PCDHGA7: variants seen among roughly 807,000 people sequenced by gnomAD.
The protein encoded by PCDHGA7 is protocadherin gamma subfamily A, 7.
PCDHGA7 carries 44 observed loss-of-function variants against 58.3 expected under a neutral mutation model. That is an observed-to-expected ratio of 0.75 (90% confidence interval 0.59 to 0.97). The LOEUF is 0.97. Ranked by LOEUF, PCDHGA7 falls within the 50% of genes least tolerant of loss-of-function variation. The pLI is 0.00. For synonymous variants in PCDHGA7, 516 were observed against 504.2 expected (o/e 1.02, Z -0.31); for missense variants, 1,266 against 1,188.7 (o/e 1.06, Z -0.96).
intron 1 of PCDHGA7, among the ~76,000 whole-genome samples, chr5:141,448,001 G>A (rs143950707): frequency 0.046 from 7,030 of 151,928 alleles, 245 homozygotes; most frequent in African/African-American, 0.093. Context: ...CATGAGAATC[G>A]CTTGAACCCA....
chr5:141,402,816 C>T, intron 1 of PCDHGA7: 1 of 1,261,762 alleles, frequency 7.9e-7, no homozygotes, highest in South Asian at 1.7e-5. Flanking sequence ...ATACCACAAA[C>T]CTGCTCCCAG....
At chr5:141,427,259 G>A (rs1365845158) in intron 1 of PCDHGA7, 1 of 456,756 alleles carries the variant, frequency 2.2e-6, no homozygotes, top group Non-Finnish European at 4.4e-6. Flanking sequence ...GTGGAGGCAT[G>A]ACCAGCGAAT....
At chr5:141,508,906 G>A (rs2099872897) in intron 3 of PCDHGA7, among the ~76,000 whole-genome samples, 1 of 152,092 alleles carries the variant, frequency 6.6e-6, no homozygotes, top group Non-Finnish European at 1.5e-5. Context: ...CGGGGCGGTG[G>A]CGGATCTGGC....
In PCDHGA7 at chr5:141,489,129, T is replaced by G; in HGVS notation, c.2425-5678T>G. On this transcript the variant is annotated intron_variant, in intron 1 of 3. Coordinates refer to ENST00000518325, the MANE Select transcript of PCDHGA7 (RefSeq NM_018920.4). This position sits in a 1 kb window ranked among gnomAD's most constrained non-coding sequence, Gnocchi z 4.5. ...AAGCAGGCAAACCTCCGAGCAGTTT[T>G]TAAGAGGCTGGAAGGAGACATAAGA... 1 of 761,976 alleles carries G rather than the reference T, an allele frequency of 1.3e-6. No homozygotes were observed. The highest frequency in any genetic ancestry group is 2.0e-6 in the Non-Finnish European group (1 of 490,014). The allele number at this position is 761,976 out of a possible 1,614,324, so 47.2% of individuals were successfully genotyped here.
In PCDHGA7 at chr5:141,422,509, C is replaced by G. The variant is rs1249006816; in HGVS notation, c.2424+37186C>G. On this transcript the variant is annotated intron_variant, in intron 1 of 3. Coordinates refer to ENST00000518325, the MANE Select transcript of PCDHGA7 (RefSeq NM_018920.4). ...CAATATAACGTTGACAGCCACAGAC[C>G]AGGGAAGCCCGCCTTTGTCTGCAGA... The G allele has an allele frequency of 1.9e-6, 3 of 1,613,836 alleles. No homozygotes were observed. In the South Asian group the frequency reaches 3.3e-5, roughly 18 times the overall value.
intron 1 of PCDHGA7, chr5:141,405,033 T>C (rs753061273): frequency 6.8e-6 from 11 of 1,613,844 alleles, no homozygotes; most frequent in Admixed American, 1.7e-5. Context: ...CTCTACCTCG[T>C]TGTGGCTGTG....
intron 1 of PCDHGA7, among the ~76,000 whole-genome samples, chr5:141,456,135 G>A (rs1422353665): frequency 6.6e-6 from 1 of 152,052 alleles, no homozygotes; most frequent in Non-Finnish European, 1.5e-5. Context: ...CTGACCTCCT[G>A]ATCCGCCCGC....
rs758172004 is a variant in PCDHGA7, at chr5:141,477,909, C to T, written c.2425-16898C>T. On this transcript the variant is annotated intron_variant, in intron 1 of 3. Transcript: ENST00000518325. This position sits in a 1 kb window ranked among gnomAD's most constrained non-coding sequence, Gnocchi z 4.9. ...GTGTCACGGGTGGTAGGCTGGGACGCGGATGCAGGGCACAATGCCTGGCTC... is the reference window on the plus strand; with the variant it reads ...GTGTCACGGGTGGTAGGCTGGGACGTGGATGCAGGGCACAATGCCTGGCTC... 2 of 1,614,166 alleles carry T rather than the reference C, an allele frequency of 1.2e-6. No individual in the cohort carries two copies. Among genetic ancestry groups the T allele is most frequent in the Admixed American group, 1.7e-5 (1 of 60,016 alleles).
At chr5:141,415,738 AGGTTTT>A in intron 1 of PCDHGA7, 1 of 538,082 alleles carries the variant, frequency 1.9e-6, no homozygotes, top group South Asian at 3.9e-5. Flanking sequence ...ATGTTTATTA[AGGTTTT>A]TTTTTTTTTT....
At chr5:141,464,300 A>T (rs1349155102) in intron 1 of PCDHGA7, among the ~76,000 whole-genome samples, 2 of 149,898 alleles carry the variant, frequency 1.3e-5, no homozygotes, top group African/African-American at 4.9e-5. Flanking sequence ...ACTCCATTGT[A>T]TGTGCACATA....
Position 141,432,201 on chromosome 5 carries a change from G to T in PCDHGA7, c.2424+46878G>T, listed in dbSNP as rs761075658. On this transcript the variant is annotated intron_variant, in intron 1 of 3. Transcript: ENST00000518325. This position sits in a 1 kb window ranked among gnomAD's most constrained non-coding sequence, Gnocchi z 6.0. ...TCTGTGACCGCCCACGACCCCGACT[G>T]TGAAGAGAACGCCCAGATCACTTAT... 1.8e-5 allele frequency: 29 copies of T among 1,614,092 alleles called. No homozygotes were observed. The South Asian group carries it at 2.9e-4, about 16-fold the overall frequency.
chr5:141,504,461 C>T (rs1485490028), intron 2 of PCDHGA7, among the ~76,000 whole-genome samples: 1 of 151,900 alleles, frequency 6.6e-6, no homozygotes, highest in Non-Finnish European at 1.5e-5. Flanking sequence ...GTGGGGCAGC[C>T]GCTGGGATGG....
At chr5:141,500,930 G>A (rs1300719832) in intron 2 of PCDHGA7, among the ~76,000 whole-genome samples, 4 of 151,824 alleles carry the variant, frequency 2.6e-5, no homozygotes, top group Admixed American at 6.6e-5. Context: ...GTGCAGTGGC[G>A]CCATCTCGGC....
chr5:141,413,137 T>C, intron 1 of PCDHGA7: 1 of 1,550,612 alleles, frequency 6.4e-7, no homozygotes, highest in Non-Finnish European at 8.7e-7. Flanking sequence ...ACACAACGTG[T>C]CCAGTGAGGA....
intron 1 of PCDHGA7, chr5:141,414,898 G>T: frequency 6.2e-7 from 1 of 1,614,190 alleles, no homozygotes; most frequent in East Asian, 2.2e-5. Context: ...CCCCACAGAC[G>T]GTTCCACAGG....
intron 1 of PCDHGA7, chr5:141,403,649 T>C: frequency 6.2e-7 from 1 of 1,613,874 alleles, no homozygotes; most frequent in Non-Finnish European, 8.5e-7. Context: ...TGTGACAGTG[T>C]TGGATACAAA....
chr5:141,427,717 A>G (rs1038823851), intron 1 of PCDHGA7: 20 of 1,076,234 alleles, frequency 1.9e-5, no homozygotes, highest in African/African-American at 1.1e-4. Context: ...TCTGACCTGG[A>G]CCTAGGGCTG....
chr5:141,403,604 G>C, intron 1 of PCDHGA7: 2 of 1,613,768 alleles, frequency 1.2e-6, no homozygotes, highest in Non-Finnish European at 1.7e-6. Flanking sequence ...CTCGGATGGC[G>C]GCGAGCCGCG....
intron 1 of PCDHGA7, chr5:141,404,037 A>T: frequency 6.2e-7 from 1 of 1,613,888 alleles, no homozygotes; most frequent in East Asian, 2.2e-5. Context: ...GACGCACCTC[A>T]GGGAACAGTA....
Sources: gnomAD v4.1 joint callset for allele counts (sites outside exome capture counted in the v4.1 genomes callset) on GRCh38, gnomAD v4.1.1 for gene constraint, Gnocchi (gnomAD v3.1) non-coding constraint, MANE v1.5 for transcripts, NCBI Gene and HGNC (gene_info 2026-07-23, HGNC 2026-07-21) for gene names.